NTM: variants seen among roughly 807,000 people sequenced by gnomAD.
NTM encodes IgLON family member 2.
Under a neutral mutation model 42.1 loss-of-function variants are expected in NTM, and 13 were observed. The ratio of observed to expected loss-of-function variants is 0.31; its 90% CI spans 0.20 to 0.49. NTM has a LOEUF of 0.49. Among genes scored for constraint, NTM ranks in the 20% least tolerant of loss-of-function variants. The probability of loss-of-function intolerance (pLI) is 0.99; values close to 1 mark genes in which losing one functional copy is unlikely to be tolerated. For missense variants in NTM, 373 were observed against 452.8 expected (o/e 0.82, Z 1.60); for synonymous variants, 187 against 179.2 (o/e 1.04, Z -0.35).
intron 1 of NTM, among the ~76,000 whole-genome samples, chr11:131,642,961 G>C (rs2065313148): frequency 6.6e-6 from 1 of 151,670 alleles, no homozygotes; most frequent in Admixed American, 6.6e-5. Flanking sequence ...TCAGGCTGTG[G>C]CTCCGTTTCC....
intron 1 of NTM, among the ~76,000 whole-genome samples, chr11:131,664,782 A>AT (rs2068733472): frequency 3.0e-5 from 3 of 99,912 alleles, no homozygotes; most frequent in Non-Finnish European, 5.9e-5. Flanking sequence ...TTTTTTTTAG[A>AT]TTTTAATATT....
chr11:131,907,749 T>A (rs1255607905), intron 1 of NTM, among the ~76,000 whole-genome samples: 1 of 152,148 alleles, frequency 6.6e-6, no homozygotes, highest in Admixed American at 6.5e-5. Flanking sequence ...TGAAATTGCT[T>A]TGAATGTCAT....
chr11:131,733,319 A>G (rs1363073826), intron 1 of NTM, among the ~76,000 whole-genome samples: 1 of 152,208 alleles, frequency 6.6e-6, no homozygotes, highest in Non-Finnish European at 1.5e-5. Context: ...TATGATGGAT[A>G]GTCCAGTCCT....
chr11:132,314,320 A>C (rs1565456647), intron 6 of NTM, among the ~76,000 whole-genome samples: 1 of 152,186 alleles, frequency 6.6e-6, no homozygotes, highest in Non-Finnish European at 1.5e-5. Flanking sequence ...GGGAGATCAG[A>C]TGTTCTGGTA....
intron 1 of NTM, among the ~76,000 whole-genome samples, chr11:131,866,041 A>T (rs2047155659): frequency 6.7e-6 from 1 of 148,180 alleles, no homozygotes; most frequent in African/African-American, 2.5e-5. Flanking sequence ...ACATACACAC[A>T]TGCTACACAC....
At chr11:131,863,787 A>G (rs1421302042) in intron 1 of NTM, among the ~76,000 whole-genome samples, 3 of 152,176 alleles carry the variant, frequency 2.0e-5, no homozygotes, top group African/African-American at 4.8e-5. Flanking sequence ...CCTGCTGCCA[A>G]TCAAACATGA....
At chr11:131,674,850 G>A (rs1028216257) in intron 1 of NTM, among the ~76,000 whole-genome samples, 1 of 152,146 alleles carries the variant, frequency 6.6e-6, no homozygotes, top group African/African-American at 2.4e-5. Flanking sequence ...CATGGATTAG[G>A]GACCAAGATG....
At chr11:131,377,580 A>T (rs1942134066) in intron 1 of NTM, among the ~76,000 whole-genome samples, 1 of 152,248 alleles carries the variant, frequency 6.6e-6, no homozygotes, top group African/African-American at 2.4e-5. Flanking sequence ...CTATCCAATC[A>T]TCACATCTTA....
At chr11:131,693,496 A>G (rs2075047409) in intron 1 of NTM, among the ~76,000 whole-genome samples, 1 of 152,134 alleles carries the variant, frequency 6.6e-6, no homozygotes, top group East Asian at 1.9e-4. Context: ...GCTTCCAAAC[A>G]CGAAGGAGAC....
At chr11:132,054,323 AG>A (rs1396311513) in intron 2 of NTM, among the ~76,000 whole-genome samples, 2 of 152,272 alleles carry the variant, frequency 1.3e-5, no homozygotes, top group African/African-American at 4.8e-5. Context: ...TGGACTCCAC[AG>A]GAGACTCAGG....
chr11:131,697,214 G>T (rs2075563499), intron 1 of NTM, among the ~76,000 whole-genome samples: 1 of 152,204 alleles, frequency 6.6e-6, no homozygotes, highest in African/African-American at 2.4e-5. Context: ...TACAATTTTA[G>T]AATGAACTGG....
At chr11:131,929,397 T>G (rs1198929176) in intron 2 of NTM, among the ~76,000 whole-genome samples, 1 of 151,998 alleles carries the variant, frequency 6.6e-6, no homozygotes, top group Non-Finnish European at 1.5e-5. Flanking sequence ...ATTCTTCGTC[T>G]TATGGGAAGC....
chr11:131,823,740 A>G (rs2093285118), intron 1 of NTM, among the ~76,000 whole-genome samples: 1 of 152,216 alleles, frequency 6.6e-6, no homozygotes. Flanking sequence ...ATTTAAACAA[A>G]ACAAAACAAA....
At chr11:131,547,194 G>A (rs1198481618) in intron 1 of NTM, among the ~76,000 whole-genome samples, 1 of 152,172 alleles carries the variant, frequency 6.6e-6, no homozygotes, top group Non-Finnish European at 1.5e-5. Context: ...AGTCAGAGGC[G>A]TGAGCACACA....
intron 2 of NTM, among the ~76,000 whole-genome samples, chr11:132,090,021 T>C (rs986240277): frequency 6.6e-6 from 1 of 152,214 alleles, no homozygotes; most frequent in Non-Finnish European, 1.5e-5. Context: ...CCAGATGCTT[T>C]GTATATATTG....
intron 2 of NTM, among the ~76,000 whole-genome samples, chr11:132,136,059 G>A (rs34397537): frequency 0.014 from 2,139 of 152,218 alleles, 42 homozygotes; most frequent in African/African-American, 0.048. Flanking sequence ...CAGACCCTGG[G>A]GACCCCTTCC....
chr11:131,504,809 C>A (rs942944096), intron 1 of NTM, among the ~76,000 whole-genome samples: 2 of 152,130 alleles, frequency 1.3e-5, no homozygotes, highest in African/African-American at 4.8e-5. Context: ...CCGTCCACCC[C>A]CTCCACTCCT....
intron 1 of NTM, among the ~76,000 whole-genome samples, chr11:131,752,643 T>C (rs953629541): frequency 1.3e-4 from 20 of 152,272 alleles, no homozygotes; most frequent in African/African-American, 4.6e-4. Context: ...CCAACCCAAA[T>C]GTCCAACAAT....
intron 1 of NTM, among the ~76,000 whole-genome samples, chr11:131,421,105 G>A (rs911175399): frequency 4.6e-5 from 7 of 152,198 alleles, no homozygotes; most frequent in Non-Finnish European, 2.9e-5. Context: ...AATTCGACCC[G>A]GAGGGAGAAG....
Sources: gnomAD v4.1 joint callset for allele counts (sites outside exome capture counted in the v4.1 genomes callset) on GRCh38, gnomAD v4.1.1 for gene constraint, MANE v1.5 for transcripts, NCBI Gene and HGNC (gene_info 2026-07-23, HGNC 2026-07-21) for gene names.